The following CADPS2 variants were observed in gnomAD, a reference collection of about 807,000 sequenced individuals.
CADPS2 encodes the protein calcium-dependent secretion activator 2.
Under a neutral mutation model 172.5 loss-of-function variants are expected in CADPS2, and 93 were observed. That is an observed-to-expected ratio of 0.54 (90% CI 0.46 to 0.64). CADPS2 has a LOEUF of 0.64. Ranked by LOEUF, CADPS2 falls within the 30% of genes least tolerant of loss-of-function variation. The pLI, the probability that CADPS2 is intolerant of heterozygous loss-of-function variation, is 0.00. For synonymous variants in CADPS2, 546 were observed against 555.2 expected (o/e 0.98, Z 0.23); for missense variants, 1,420 against 1,565.9 (o/e 0.91, Z 1.57).
chr7:122,728,328 AAAC>A (rs1188948051), intron 2 of CADPS2, among the ~76,000 whole-genome samples: 1 of 151,926 alleles, frequency 6.6e-6, no homozygotes, highest in Non-Finnish European at 1.5e-5. Flanking sequence ...AGAAATCAAT[AAAC>A]AACTGCAATT....
At chr7:122,528,902 A>C (rs763112560) in intron 8 of CADPS2, among the ~76,000 whole-genome samples, 178 of 152,130 alleles carry the variant, frequency 1.2e-3, no homozygotes, top group Non-Finnish European at 2.1e-3. Flanking sequence ...AAAATGAACT[A>C]CCACTTCACT....
intron 1 of CADPS2, among the ~76,000 whole-genome samples, chr7:122,745,133 G>A (rs2092670126): frequency 6.6e-6 from 1 of 151,888 alleles, no homozygotes; most frequent in African/African-American, 2.4e-5. Flanking sequence ...CTGTGTGTGT[G>A]TGTGCATGGC....
At chr7:122,720,663 G>A (rs1034288791) in intron 2 of CADPS2, among the ~76,000 whole-genome samples, 18 of 151,536 alleles carry the variant, frequency 1.2e-4, no homozygotes, top group African/African-American at 3.9e-4. Flanking sequence ...GTGAGAGCCC[G>A]TGCGAAACTT....
chr7:122,484,755 CA>C (rs1165293648), intron 11 of CADPS2, among the ~76,000 whole-genome samples: 1 of 151,394 alleles, frequency 6.6e-6, no homozygotes, highest in Non-Finnish European at 1.5e-5. Context: ...ACGTATCTGA[CA>C]AACATCTTGT....
intron 6 of CADPS2, among the ~76,000 whole-genome samples, chr7:122,604,276 A>AT (rs1422006433): frequency 2.0e-5 from 3 of 152,096 alleles, no homozygotes; most frequent in African/African-American, 7.2e-5. Context: ...TCACTCACAG[A>AT]TTGTTGAAGA....
At chr7:122,393,731 AATATC>A (rs2044702064) in intron 20 of CADPS2, 149 bp from the exon 21 acceptor site, 1 of 760,734 alleles carries the variant, frequency 1.3e-6, no homozygotes, top group Non-Finnish European at 2.2e-6. Flanking sequence ...CCCCATATTG[AATATC>A]ATATCATGGA....
intron 8 of CADPS2, among the ~76,000 whole-genome samples, chr7:122,536,469 T>A (rs948612728): frequency 6.6e-6 from 1 of 152,076 alleles, no homozygotes; most frequent in Non-Finnish European, 1.5e-5. Flanking sequence ...CAAGGTTACT[T>A]CCTACTTTGA....
intron 1 of CADPS2, among the ~76,000 whole-genome samples, chr7:122,817,997 C>A (rs972661728): frequency 5.3e-5 from 8 of 150,880 alleles, no homozygotes; most frequent in African/African-American, 1.2e-4. Flanking sequence ...ATGCCCCGAC[C>A]CCTTATTTCT....
At chr7:122,472,671 G>A (rs1449664980) in intron 13 of CADPS2, among the ~76,000 whole-genome samples, 3 of 152,122 alleles carry the variant, frequency 2.0e-5, no homozygotes, top group Non-Finnish European at 2.9e-5. Flanking sequence ...AGTGGAATCC[G>A]AGAGGACACT....
intron 27 of CADPS2, among the ~76,000 whole-genome samples, chr7:122,350,228 A>G (rs1319881635): frequency 2.0e-5 from 3 of 152,170 alleles, no homozygotes; most frequent in Non-Finnish European, 4.4e-5. Context: ...AATAAATAAC[A>G]TGTCTTCGAA....
chr7:122,708,430 C>A (rs1283366253), intron 2 of CADPS2, among the ~76,000 whole-genome samples: 1 of 137,606 alleles, frequency 7.3e-6, no homozygotes, highest in East Asian at 2.2e-4. Flanking sequence ...TATGTACACA[C>A]AATATGTGTG....
rs2042732376 is a variant in CADPS2, at chr7:122,379,400, C to T, written c.3355G>A (p.Val1119Ile). The T allele has an allele frequency of 6.2e-7, 1 of 1,602,298 alleles. No homozygotes were observed. Among genetic ancestry groups the T allele is most frequent in the African/African-American group, 1.3e-5 (1 of 74,760 alleles). ...ACTAACAGTGAAATGATTTCTTTTACACTGTTGTCGATCAGATCATCTATT... is the reference window on the plus strand; with the variant it reads ...ACTAACAGTGAAATGATTTCTTTTATACTGTTGTCGATCAGATCATCTATT... ...SKIDDLIDNS[V>I]KEIISLLVSK... Residue 1119 changes from valine (V) to isoleucine (I), a missense_variant, in exon 25 of 30, where the codon GTA becomes ATA. Coordinates refer to ENST00000449022, the MANE Select transcript of CADPS2 (RefSeq NM_017954.11).
At chr7:122,349,943 T>C (rs2038285988) in intron 27 of CADPS2, among the ~76,000 whole-genome samples, 1 of 152,172 alleles carries the variant, frequency 6.6e-6, no homozygotes, top group Non-Finnish European at 1.5e-5. Context: ...AGGTTAGCAA[T>C]ACACTACACA....
Position 122,714,336 on chromosome 7 carries a change from C to A in CADPS2, c.453+22619G>T, listed in dbSNP as rs1023189730. 6.1e-4 allele frequency among the ~76,000 whole-genome samples: 93 copies of A among 152,164 alleles called. 2 individuals are homozygous for A. The highest frequency in any genetic ancestry group is 3.4e-4 in the Non-Finnish European group (23 of 67,970). On this transcript the variant is annotated intron_variant, in intron 2 of 29. Coordinates refer to ENST00000449022, the MANE Select transcript of CADPS2 (RefSeq NM_017954.11). ...AAGAATACAAAGTGGACATAGTATT[C>A]ACTGTTTCTATCAAATCTACAACTT...
intron 2 of CADPS2, among the ~76,000 whole-genome samples, chr7:122,690,854 G>A (rs2084257825): frequency 6.6e-6 from 1 of 152,196 alleles, no homozygotes; most frequent in Admixed American, 6.5e-5. Flanking sequence ...AAACCATATA[G>A]TGTCAGTAGA....
At chr7:122,335,898 TG>T (rs2035786232) in intron 28 of CADPS2, among the ~76,000 whole-genome samples, 1 of 152,226 alleles carries the variant, frequency 6.6e-6, no homozygotes. Flanking sequence ...ACCTGCCTTT[TG>T]TTCTCCAATG....
At chr7:122,395,646 T>G (rs995598347) in intron 20 of CADPS2, 1 of 152,136 alleles carries the variant, frequency 6.6e-6, no homozygotes, top group Non-Finnish European at 1.5e-5. Flanking sequence ...AATTAAAAAA[T>G]ATACTGATAT....
At chr7:122,731,779 G>A (rs1200340685) in intron 2 of CADPS2, among the ~76,000 whole-genome samples, 4 of 151,702 alleles carry the variant, frequency 2.6e-5, no homozygotes, top group African/African-American at 9.7e-5. Flanking sequence ...CTTTTATTAA[G>A]TAGTTAGGTA....
At chr7:122,331,000 T>G (rs2034845880) in intron 28 of CADPS2, 1 of 152,182 alleles carries the variant, frequency 6.6e-6, no homozygotes, top group Non-Finnish European at 1.5e-5. Flanking sequence ...TAAATTTGAC[T>G]TACAGGAAAA....
Sources: gnomAD v4.1 joint callset for allele counts (sites outside exome capture counted in the v4.1 genomes callset) on GRCh38, gnomAD v4.1.1 for gene constraint, MANE v1.5 for transcripts, NCBI Gene and HGNC (gene_info 2026-07-23, HGNC 2026-07-21) for gene names.